The following STAM variants were observed in gnomAD, a reference collection of about 807,000 sequenced individuals.
The protein encoded by STAM is signal transducing adapter molecule 1.
A neutral mutation model predicts 63.4 loss-of-function variants in STAM; 16 were observed. The observed-to-expected ratio is 0.25, with a 90% CI of 0.17 to 0.38. The LOEUF is 0.38. STAM is among the 10% of genes least tolerant of loss of function. STAM has a pLI of 1.00. For synonymous variants in STAM, 238 were observed against 223.9 expected (o/e 1.06, Z -0.56); for missense variants, 636 against 657.1 (o/e 0.97, Z 0.35).
intron 1 of STAM, among the ~76,000 whole-genome samples, chr10:17,658,903 G>A (rs1272928698): frequency 4.6e-5 from 7 of 152,022 alleles, no homozygotes; most frequent in African/African-American, 1.7e-4. Context: ...CTTTTAATTG[G>A]TGTAGTATGC....
Position 17,714,870 on chromosome 10 carries a change from C to G in STAM, c.*90C>G, listed in dbSNP as rs880002998. The G allele has an allele frequency of 8.0e-7, 1 of 1,245,328 alleles. No homozygotes were observed. Among genetic ancestry groups the G allele is most frequent in the Non-Finnish European group, 1.2e-6 (1 of 854,756 alleles). 77.1% of individuals were successfully genotyped at this position (1,245,328 alleles called of 1,614,324 possible). ...TACTATCTTAAGATGTGTTTATCCTCAGCTTATAGGAATCTCTCCAGGTCA... is the reference window on the plus strand; with the variant it reads ...TACTATCTTAAGATGTGTTTATCCTGAGCTTATAGGAATCTCTCCAGGTCA... On this transcript the variant is annotated 3_prime_UTR_variant, in exon 14 of 14. Coordinates refer to ENST00000377524, the MANE Select transcript of STAM (RefSeq NM_003473.4).
intron 4 of STAM, among the ~76,000 whole-genome samples, chr10:17,687,552 A>G (rs556912647): frequency 6.6e-6 from 1 of 152,342 alleles, no homozygotes; most frequent in South Asian, 2.1e-4. Context: ...TTTTGAAGAA[A>G]TTAAATTTTC....
chr10:17,664,400 T>C (rs1370281771), intron 2 of STAM, among the ~76,000 whole-genome samples: 1 of 152,154 alleles, frequency 6.6e-6, no homozygotes, highest in African/African-American at 2.4e-5. Flanking sequence ...TGAAACCCTG[T>C]GCCCATTAAA....
intron 2 of STAM, among the ~76,000 whole-genome samples, chr10:17,679,630 A>G (rs1835000061): frequency 6.6e-6 from 1 of 151,664 alleles, no homozygotes; most frequent in South Asian, 2.1e-4. Flanking sequence ...CATTTGGTAG[A>G]ATTCACCAGT....
rs1835350019 is a variant in STAM, at chr10:17,687,627, G to GCATAGTT, written c.298-394_298-393insTCATAGT. Among the ~76,000 whole-genome samples, 3 of 152,184 alleles carry GCATAGTT rather than the reference G, an allele frequency of 2.0e-5. No individual in the cohort carries two copies. The South Asian group carries it at 6.2e-4, about 31-fold the overall frequency. On this transcript the variant is annotated intron_variant, in intron 4 of 13. Transcript: ENST00000377524. Reference sequence around the variant, plus strand: ...GATAATTAAGCATCATGGAAAAAATGCATAGTCATGAACATTAAGAAGTCA... The same window carrying GCATAGTT: ...GATAATTAAGCATCATGGAAAAAATGCATAGTTCATAGTCATGAACATTAAGAAGTCA...
chr10:17,669,916 G>T (rs147191676), intron 2 of STAM, among the ~76,000 whole-genome samples: 28 of 117,506 alleles, frequency 2.4e-4, no homozygotes, highest in Non-Finnish European at 3.8e-4. Context: ...ATTTTTAGTA[G>T]ACACGTGGTT....
At chr10:17,658,033 C>T (rs1834012006) in intron 1 of STAM, among the ~76,000 whole-genome samples, 1 of 151,992 alleles carries the variant, frequency 6.6e-6, no homozygotes, top group Middle Eastern at 3.4e-3. Context: ...ATTTGCTCTT[C>T]TAGTTTCCTA....
Position 17,715,229 on chromosome 10 carries a change from C to T in STAM, c.*449C>T, listed in dbSNP as rs554629436. 2 of 168,406 alleles carry T rather than the reference C, an allele frequency of 1.2e-5. No individual in the cohort carries two copies. The highest frequency in any genetic ancestry group is 4.8e-5 in the African/African-American group (2 of 41,972). 10.4% of individuals were successfully genotyped at this position (168,406 alleles called of 1,614,324 possible). ...TTTTATTTTAATCATAAACAACTAC[C>T]ATGTTTCTTAATGTTTTGTGTAAAT... On this transcript the variant is annotated 3_prime_UTR_variant, in exon 14 of 14. Coordinates refer to ENST00000377524, the MANE Select transcript of STAM (RefSeq NM_003473.4).
At position 17,708,829 on chromosome 10, in the gene STAM, G is replaced by C; in HGVS notation, c.1263G>C (p.Gln421His). ...CCTACCTGGTTGCAGGGAACGCGCA[G>C]ATGAGCCACCTCCAGAGCTACAGTC... ...SGAYLVAGNAQMSHLQSYSLP... is the reference protein window; with the variant it reads ...SGAYLVAGNAHMSHLQSYSLP... The change falls in exon 13 of 14, where the codon CAG (glutamine) becomes CAC (histidine). Residue 421 changes from glutamine (Q) to histidine (H), a missense_variant. Physicochemically the swap from Gln to His is conservative, Grantham distance 24. Coordinates refer to ENST00000377524, the MANE Select transcript of STAM (RefSeq NM_003473.4). 1.2e-6 allele frequency: 2 copies of C among 1,614,188 alleles called. No homozygotes were observed. Among genetic ancestry groups the C allele is most frequent in the Non-Finnish European group, 1.7e-6 (2 of 1,180,010 alleles).
At position 17,708,821 on chromosome 10, in the gene STAM, A is replaced by T. The variant is rs1554829687; in HGVS notation, c.1255A>T (p.Asn419Tyr). ...PPSGAYLVAG[N>Y]AQMSHLQSYS... is the part of the protein sequence containing the mutation. The stretch of plus-strand genomic sequence containing the variant: ...AAGTGGTGCCTACCTGGTTGCAGGG[A>T]ACGCGCAGATGAGCCACCTCCAGAG... The change falls in exon 13 of 14, where the codon AAC becomes TAC. Residue 419 changes from asparagine (N) to tyrosine (Y), a missense_variant. By Grantham distance (143) the Asn-to-Tyr change is moderately radical. Transcript: ENST00000377524. 6.2e-7 allele frequency: 1 copy of T among 1,614,076 alleles called. No homozygotes were observed. The highest frequency in any genetic ancestry group is 2.2e-5 in the East Asian group (1 of 44,884).
intron 2 of STAM, among the ~76,000 whole-genome samples, chr10:17,665,457 G>T (rs1370339483): frequency 6.6e-6 from 1 of 151,864 alleles, no homozygotes; most frequent in Non-Finnish European, 1.5e-5. Context: ...ACACAAATGT[G>T]AATACATTTT....
At chr10:17,661,488 G>A (rs77536950) in intron 2 of STAM, among the ~76,000 whole-genome samples, 6,581 of 152,124 alleles carry the variant, frequency 0.043, 212 homozygotes, top group Middle Eastern at 0.065. Context: ...TTATGTAGAT[G>A]GCATCTGTAT....
chr10:17,666,089 C>G (rs1392064716), intron 2 of STAM, among the ~76,000 whole-genome samples: 3 of 152,208 alleles, frequency 2.0e-5, no homozygotes, highest in Non-Finnish European at 2.9e-5. Flanking sequence ...AGGATAAATA[C>G]TGATTATCTT....
chr10:17,701,797 AT>A (rs1439205005), intron 9 of STAM, among the ~76,000 whole-genome samples: 3 of 152,158 alleles, frequency 2.0e-5, no homozygotes, highest in Non-Finnish European at 4.4e-5. Flanking sequence ...CGTAGTGAAG[AT>A]TACTGTGGTA....
At position 17,650,924 on chromosome 10, in the gene STAM, G is replaced by A. The variant is rs573675682; in HGVS notation, c.40+6545G>A. On this transcript the variant is annotated intron_variant, in intron 1 of 13. Coordinates refer to ENST00000377524, the MANE Select transcript of STAM (RefSeq NM_003473.4). ...ACTAAAAATACAAAAAATTAGCCGG[G>A]CGTAGTGGCGGGCGCCTGTAGTCCC... is the stretch of plus-strand genomic sequence containing the variant. 1.7e-3 allele frequency among the ~76,000 whole-genome samples: 264 copies of A among 151,958 alleles called. 2 individuals are homozygous for A. Among genetic ancestry groups the A allele is most frequent in the Middle Eastern group, 6.8e-3 (2 of 294 alleles).
intron 4 of STAM, 50 bp downstream of exon 4, chr10:17,684,977 CAT>C: frequency 6.8e-7 from 1 of 1,461,542 alleles, no homozygotes; most frequent in Non-Finnish European, 9.5e-7. Context: ...TCTTTCTTCA[CAT>C]ATTTTATTGT....
intron 2 of STAM, among the ~76,000 whole-genome samples, chr10:17,669,478 T>A (rs186117120): frequency 1.3e-5 from 2 of 152,174 alleles, no homozygotes; most frequent in Admixed American, 6.5e-5. Context: ...ATTGGCCTAG[T>A]TTTAAATTAA....
intron 12 of STAM, among the ~76,000 whole-genome samples, chr10:17,706,679 G>A (rs184867140): frequency 1.1e-3 from 165 of 151,800 alleles, no homozygotes; most frequent in South Asian, 2.5e-3. Flanking sequence ...GCGCCCGGCC[G>A]AGGCCCATAT....
chr10:17,671,933 C>A (rs1279007908), intron 2 of STAM, among the ~76,000 whole-genome samples: 1 of 152,124 alleles, frequency 6.6e-6, no homozygotes, highest in African/African-American at 2.4e-5. Context: ...AATTTACTGT[C>A]TTTTCAATGA....
Sources: gnomAD v4.1 joint callset for allele counts (sites outside exome capture counted in the v4.1 genomes callset) on GRCh38, gnomAD v4.1.1 for gene constraint, MANE v1.5 for transcripts, NCBI Gene and HGNC (gene_info 2026-07-23, HGNC 2026-07-21) for gene names.